ATRNL1: variants seen among roughly 807,000 people sequenced by gnomAD.
The protein encoded by ATRNL1 is attractin-like protein 1.
A neutral mutation model predicts 182.7 loss-of-function variants in ATRNL1; 95 were observed. The observed-to-expected ratio is 0.52, with a 90% CI of 0.44 to 0.62. The LOEUF is 0.62. Among genes scored for constraint, ATRNL1 ranks in the 20% least tolerant of loss-of-function variants. ATRNL1 has a pLI of 0.00. For missense variants in ATRNL1, 1,471 were observed against 1,679.5 expected (o/e 0.88, Z 2.17); for synonymous variants, 576 against 568.3 (o/e 1.01, Z -0.19).
At chr10:115,829,274 A>T (rs1213567562) in intron 27 of ATRNL1, among the ~76,000 whole-genome samples, 1 of 152,114 alleles carries the variant, frequency 6.6e-6, no homozygotes, top group Admixed American at 6.6e-5. Flanking sequence ...GGCAGATAGG[A>T]GTTGAGAGCA....
intron 19 of ATRNL1, among the ~76,000 whole-genome samples, chr10:115,352,756 T>C (rs1350039229): frequency 6.6e-6 from 1 of 152,066 alleles, no homozygotes; most frequent in Non-Finnish European, 1.5e-5. Context: ...AAAAATTAGC[T>C]GAGGGTGGTG....
intron 19 of ATRNL1, among the ~76,000 whole-genome samples, chr10:115,387,198 A>C (rs1481671846): frequency 1.3e-5 from 2 of 152,102 alleles, no homozygotes; most frequent in African/African-American, 4.8e-5. Flanking sequence ...TAGTCTTAAG[A>C]TCAGATGAGT....
At chr10:115,511,843 C>A (rs17802381) in intron 24 of ATRNL1, among the ~76,000 whole-genome samples, 1 of 151,510 alleles carries the variant, frequency 6.6e-6, no homozygotes, top group Admixed American at 6.6e-5. Context: ...ATCAGGGTTA[C>A]TGTAGTTTCA....
At chr10:115,775,645 G>A (rs1237024151) in intron 27 of ATRNL1, among the ~76,000 whole-genome samples, 1 of 152,016 alleles carries the variant, frequency 6.6e-6, no homozygotes, top group African/African-American at 2.4e-5. Context: ...TTTATTTAAG[G>A]TACAATAAGG....
rs1424122017 is a variant in ATRNL1 at position 115,350,334 on chromosome 10, C to CAAAAAAAAAAAAAAAAAAAAAAAAAAAA, written c.3175+15926_3175+15927insAAAAAAAAAAAAAAAAAAAAAAAAAAAA. Among the ~76,000 whole-genome samples, 2 of 29,734 alleles carry CAAAAAAAAAAAAAAAAAAAAAAAAAAAA rather than the reference C, an allele frequency of 6.7e-5. 1 individual carries two copies. Among genetic ancestry groups the CAAAAAAAAAAAAAAAAAAAAAAAAAAAA allele is most frequent in the Non-Finnish European group, 1.0e-4 (2 of 19,362 alleles). The allele number at this position is 29,734 out of a possible 152,430, so 19.5% of individuals were successfully genotyped here. A position where few individuals can be genotyped will look rare whatever the true frequency, so the allele number is the denominator to read the frequency against. ...CTGGTGACAGAGCAAGACTCTGTCTCAAAAAAAAAAAGAAAAAAAAAAAAA... is the reference window on the plus strand; with the variant it reads ...CTGGTGACAGAGCAAGACTCTGTCTCAAAAAAAAAAAAAAAAAAAAAAAAAAAAAAAAAAAAAAAGAAAAAAAAAAAAA... On this transcript the variant is annotated intron_variant, in intron 19 of 28. Coordinates refer to ENST00000355044, the MANE Select transcript of ATRNL1 (RefSeq NM_207303.4).
At chr10:115,697,472 CATA>C (rs1946600813) in intron 26 of ATRNL1, among the ~76,000 whole-genome samples, 1 of 152,040 alleles carries the variant, frequency 6.6e-6, no homozygotes, top group Non-Finnish European at 1.5e-5. Flanking sequence ...AATACAGATA[CATA>C]CCACCACACC....
At chr10:115,248,848 A>C (rs1020530821) in intron 10 of ATRNL1, among the ~76,000 whole-genome samples, 2 of 152,090 alleles carry the variant, frequency 1.3e-5, no homozygotes, top group African/African-American at 2.4e-5. Flanking sequence ...CAGAAATGTA[A>C]TTTTCTATTA....
chr10:115,144,190 C>T (rs1845873032), intron 5 of ATRNL1, among the ~76,000 whole-genome samples: 1 of 151,716 alleles, frequency 6.6e-6, no homozygotes, highest in African/African-American at 2.4e-5. Flanking sequence ...TGCTGTCGCC[C>T]AGGCTGGAGT....
At chr10:115,634,428 G>T (rs1298807737) in intron 26 of ATRNL1, among the ~76,000 whole-genome samples, 3 of 151,986 alleles carry the variant, frequency 2.0e-5, no homozygotes, top group Non-Finnish European at 4.4e-5. Flanking sequence ...CTGGTAAAAG[G>T]TAACGTTTTA....
At chr10:115,477,844 G>T (rs1848601339) in intron 24 of ATRNL1, among the ~76,000 whole-genome samples, 1 of 151,532 alleles carries the variant, frequency 6.6e-6, no homozygotes, top group Admixed American at 6.6e-5. Context: ...CAGTTATTGT[G>T]ATTCTTAAAA....
chr10:115,106,401 C>T (rs985932005), intron 1 of ATRNL1, among the ~76,000 whole-genome samples: 18 of 151,978 alleles, frequency 1.2e-4, no homozygotes, highest in African/African-American at 4.4e-4. Context: ...CTTGGGGGTG[C>T]TGAAATGAGT....
intron 26 of ATRNL1, among the ~76,000 whole-genome samples, chr10:115,634,439 T>G (rs1555027357): frequency 6.6e-6 from 1 of 152,144 alleles, no homozygotes; most frequent in Non-Finnish European, 1.5e-5. Context: ...TAACGTTTTA[T>G]GACTGATGAA....
chr10:115,770,530 AAGCAT>A (rs1948964610), intron 27 of ATRNL1, among the ~76,000 whole-genome samples: 1 of 152,180 alleles, frequency 6.6e-6, no homozygotes, highest in African/African-American at 2.4e-5. Flanking sequence ...GCTGTGTCAA[AAGCAT>A]ATTGAGGCAT....
intron 28 of ATRNL1, among the ~76,000 whole-genome samples, chr10:115,862,694 C>A (rs1482342047): frequency 1.3e-5 from 2 of 152,170 alleles, no homozygotes; most frequent in African/African-American, 4.8e-5. Flanking sequence ...AGTCCCACTT[C>A]TAGGAATTTA....
chr10:115,362,516 ATTGT>A (rs1230417414), intron 19 of ATRNL1, among the ~76,000 whole-genome samples: 2 of 139,440 alleles, frequency 1.4e-5, no homozygotes, highest in Non-Finnish European at 3.0e-5. Context: ...TATGCAGTAC[ATTGT>A]TTTTTTTTTT....
At chr10:115,196,042 T>C (rs955003841) in intron 8 of ATRNL1, among the ~76,000 whole-genome samples, 6 of 152,016 alleles carry the variant, frequency 3.9e-5, no homozygotes, top group African/African-American at 1.4e-4. Flanking sequence ...ACACCTATAA[T>C]CCCAGATGCT....
At chr10:115,549,722 A>G (rs1466635081) in intron 26 of ATRNL1, among the ~76,000 whole-genome samples, 186 bp downstream of exon 26, 2 of 152,034 alleles carry the variant, frequency 1.3e-5, no homozygotes, top group Non-Finnish European at 2.9e-5. Flanking sequence ...ATTTTAAGTT[A>G]GTATTTGTAA....
At chr10:115,210,240 C>G (rs1390799436) in intron 8 of ATRNL1, among the ~76,000 whole-genome samples, 1 of 151,908 alleles carries the variant, frequency 6.6e-6, no homozygotes, top group Non-Finnish European at 1.5e-5. Flanking sequence ...ACAGTTTTCT[C>G]TCATAGAAAC....
At chr10:115,859,665 A>C (rs2134388030) in intron 28 of ATRNL1, among the ~76,000 whole-genome samples, 1 of 152,288 alleles carries the variant, frequency 6.6e-6, no homozygotes, top group South Asian at 2.1e-4. Context: ...AGTATGTTCA[A>C]GTTTTGATCA....
Sources: allele counts gnomAD v4.1 joint callset (sites outside exome capture counted in the v4.1 genomes callset), GRCh38; gene constraint gnomAD v4.1.1; transcripts MANE v1.5; gene names NCBI Gene and HGNC (gene_info 2026-07-23, HGNC 2026-07-21).